PCDHA9: variants seen among roughly 807,000 people sequenced by gnomAD.
The protein encoded by PCDHA9 is protocadherin alpha-9.
A neutral mutation model predicts 62.0 loss-of-function variants in PCDHA9; 62 were observed. The observed-to-expected ratio is 1.00, with a 90% CI of 0.81 to 1.23. PCDHA9 has a LOEUF of 1.23. Among genes scored for constraint, PCDHA9 ranks in the 50% most tolerant of loss-of-function variants. PCDHA9 has a pLI of 0.00. For synonymous variants in PCDHA9, 557 were observed against 567.6 expected (o/e 0.98, Z 0.27); for missense variants, 1,205 against 1,249.8 (o/e 0.96, Z 0.54).
At chr5:140,890,507 C>G (rs2153430728) in intron 1 of PCDHA9, among the ~76,000 whole-genome samples, 1 of 152,146 alleles carries the variant, frequency 6.6e-6, no homozygotes, top group African/African-American at 2.4e-5. Context: ...TTTTATGTCT[C>G]TATTTCCTTC....
chr5:141,002,374 C>T (rs1228476890), intron 3 of PCDHA9, among the ~76,000 whole-genome samples: 1 of 152,220 alleles, frequency 6.6e-6, no homozygotes, highest in Non-Finnish European at 1.5e-5. Context: ...CTCATTCTGG[C>T]TTAGGGCTCC....
intron 1 of PCDHA9, chr5:140,855,749 C>T (rs2043605580): frequency 3.1e-6 from 1 of 325,346 alleles, no homozygotes. Context: ...TAATGTGAGG[C>T]TTTGAAAGTC....
intron 1 of PCDHA9, chr5:140,871,465 C>T (rs782500075): frequency 5.0e-6 from 8 of 1,602,850 alleles, no homozygotes; most frequent in Non-Finnish European, 6.0e-6. Flanking sequence ...AGGGGAAAGA[C>T]AGGAGCCAGG....
At chr5:140,993,225 T>C (rs1036685362) in intron 3 of PCDHA9, among the ~76,000 whole-genome samples, 2 of 152,206 alleles carry the variant, frequency 1.3e-5, no homozygotes, top group Admixed American at 6.5e-5. Context: ...TTTTGGTATG[T>C]TCTCTCTGAA....
intron 1 of PCDHA9, chr5:140,855,742 T>C (rs1239874184): frequency 3.2e-6 from 1 of 313,712 alleles, no homozygotes; most frequent in Admixed American, 4.7e-5. Flanking sequence ...AGAGACGTAA[T>C]GTGAGGCTTT....
At chr5:140,869,751 CG>C (rs782746767) in intron 1 of PCDHA9, 1 of 1,613,134 alleles carries the variant, frequency 6.2e-7, no homozygotes, top group South Asian at 1.1e-5. Flanking sequence ...CAGCTACAGA[CG>C]GGGGAAAACC....
chr5:140,870,974 G>C, intron 1 of PCDHA9: 5 of 1,613,628 alleles, frequency 3.1e-6, no homozygotes, highest in Non-Finnish European at 4.2e-6. Context: ...TTCCGCGTGG[G>C]GCTGTACACG....
intron 1 of PCDHA9, chr5:140,876,755 G>C (rs782037862): frequency 1.9e-6 from 3 of 1,614,248 alleles, no homozygotes; most frequent in Non-Finnish European, 1.7e-6. Flanking sequence ...GTGACTGCGC[G>C]GGATGGGGGC....
At position 140,884,772 on chromosome 5, in the gene PCDHA9, T is replaced by G. The variant is rs563372954; in HGVS notation, c.2394+33883T>G. 1.9e-5 allele frequency: 27 copies of G among 1,409,818 alleles called. No homozygotes were observed. In the African/African-American group the frequency reaches 3.6e-4, roughly 19 times the overall value. The allele number at this position is 1,409,818 out of a possible 1,614,324, so 87.3% of individuals were successfully genotyped here. On this transcript the variant is annotated intron_variant, in intron 1 of 3. Transcript: ENST00000532602. Reference sequence around the variant, plus strand: ...TTCAAATTATTCTTTACTTTAATTTTAATTTTGCTAGTTGTTATCGAATTT... The same window carrying G: ...TTCAAATTATTCTTTACTTTAATTTGAATTTTGCTAGTTGTTATCGAATTT...
chr5:140,968,317 A>G (rs144335538), intron 1 of PCDHA9: 1 of 1,613,890 alleles, frequency 6.2e-7, no homozygotes, highest in African/African-American at 1.3e-5. Context: ...AAGGGCTGCC[A>G]GTCACCTCCT....
Position 141,009,711 on chromosome 5 carries a change from C to G in PCDHA9, c.2627C>G (p.Pro876Arg), listed in dbSNP as rs575518914. Reference sequence around the variant, plus strand: ...ACCTTTAAATACGGACCAGGCAACCCCAAACAATCCGGTCCCGGTGAGTTG... The same window carrying G: ...ACCTTTAAATACGGACCAGGCAACCGCAAACAATCCGGTCCCGGTGAGTTG... The part of the protein sequence containing the change: ...SWTFKYGPGN[P>R]KQSGPGELPD... Residue 876 changes from proline to arginine, a missense_variant, in exon 4 of 4, where the codon CCC (proline) becomes CGC (arginine). Transcript: ENST00000532602. The G allele has an allele frequency of 6.2e-6, 10 of 1,613,982 alleles. No homozygotes were observed. Among genetic ancestry groups the G allele is most frequent in the Non-Finnish European group, 8.5e-6 (10 of 1,180,036 alleles).
At chr5:140,921,538 A>C (rs572073676) in intron 1 of PCDHA9, among the ~76,000 whole-genome samples, 2 of 152,344 alleles carry the variant, frequency 1.3e-5, no homozygotes, top group Admixed American at 6.5e-5. Flanking sequence ...CTGATAGAAC[A>C]TTCTGCAAAA....
rs2082774108 is a variant in PCDHA9 at position 140,868,572 on chromosome 5, C to T, written c.2394+17683C>T. 4 of 152,854 alleles carry T rather than the reference C, an allele frequency of 2.6e-5. No individual in the cohort carries two copies. In the South Asian group the frequency reaches 6.2e-4, roughly 24 times the overall value. 9.5% of individuals were successfully genotyped at this position (152,854 alleles called of 1,614,324 possible). ...TAGTATTTTTATATGAGGAACAACA[C>T]TTTCAGGAAATGTTTAACCCTAGTT... On this transcript the variant is annotated intron_variant, in intron 1 of 3. Coordinates refer to ENST00000532602, the MANE Select transcript of PCDHA9 (RefSeq NM_031857.2).
intron 1 of PCDHA9, among the ~76,000 whole-genome samples, chr5:140,892,616 G>C (rs781995267): frequency 6.6e-6 from 1 of 151,910 alleles, no homozygotes; most frequent in Non-Finnish European, 1.5e-5. Flanking sequence ...TTTATTTCCA[G>C]TTGGTACATA....
intron 3 of PCDHA9, among the ~76,000 whole-genome samples, chr5:141,000,885 G>C (rs1213239926): frequency 6.6e-6 from 1 of 151,922 alleles, no homozygotes; most frequent in African/African-American, 2.4e-5. Context: ...TCCAACCTGG[G>C]CAACAGATAT....
chr5:140,934,377 G>A (rs1183246116), intron 1 of PCDHA9, among the ~76,000 whole-genome samples: 2 of 152,050 alleles, frequency 1.3e-5, no homozygotes, highest in Non-Finnish European at 2.9e-5. Flanking sequence ...TCCTTCTGTG[G>A]TTCTATGGTG....
Position 140,926,904 on chromosome 5 carries a change from T to G in PCDHA9, c.2395-52045T>G, listed in dbSNP as rs150445810. Reference sequence around the variant, plus strand: ...CGCCTAGAGGGAGGATGGTGGGCTGTGGGGTGGCAGTTTTATGTTTGTGGG... The same window carrying G: ...CGCCTAGAGGGAGGATGGTGGGCTGGGGGGTGGCAGTTTTATGTTTGTGGG... On this transcript the variant is annotated intron_variant, in intron 1 of 3. Transcript: ENST00000532602. 5,017 of 1,557,626 alleles carry G rather than the reference T, an allele frequency of 3.2e-3. 25 individuals carry two copies. Among genetic ancestry groups the G allele is most frequent in the African/African-American group, 0.019 (1,427 of 73,544 alleles).
intron 1 of PCDHA9, chr5:140,966,679 G>T: frequency 1.5e-6 from 2 of 1,317,678 alleles, no homozygotes; most frequent in Admixed American, 3.8e-5. Context: ...AGGGTGGCAC[G>T]AGCGGAGGCG....
chr5:140,941,202 C>CCTTTTCTTCCTTTCTTT (rs2092814043), intron 1 of PCDHA9, among the ~76,000 whole-genome samples: 1 of 122,742 alleles, frequency 8.1e-6, no homozygotes, highest in Non-Finnish European at 1.8e-5. Flanking sequence ...TTTCTTTCTT[C>CCTTTTCTTCCTTTCTTT]CTTTCTTTCT....
Sources: gnomAD v4.1 joint callset for allele counts (sites outside exome capture counted in the v4.1 genomes callset) on GRCh38, gnomAD v4.1.1 for gene constraint, MANE v1.5 for transcripts, NCBI Gene and HGNC (gene_info 2026-07-23, HGNC 2026-07-21) for gene names.